Variants in ATP2B2 observed in about 807,000 individuals in gnomAD.
The protein encoded by ATP2B2 is ATPase plasma membrane Ca2+ transporting 2.
In ATP2B2, 15 loss-of-function variants were observed where a neutral mutation model predicts 120.0. That is an observed-to-expected ratio of 0.12 (90% CI 0.08 to 0.19). The LOEUF is 0.19. ATP2B2 is among the 10% of genes least tolerant of loss of function. The pLI, the probability that ATP2B2 is intolerant of heterozygous loss-of-function variation, is 1.00. For synonymous variants in ATP2B2, 694 were observed against 700.3 expected, an observed-to-expected ratio of 0.99 and a Z score of 0.14; for missense variants, 1,045 against 1,719.8, an observed-to-expected ratio of 0.61 and a Z score of 6.94.
intron 3 of ATP2B2, among the ~76,000 whole-genome samples, chr3:10,406,448 A>T (rs984610859): frequency 1.3e-5 from 2 of 152,216 alleles, no homozygotes; most frequent in African/African-American, 4.8e-5. Flanking sequence ...TGGTCTCATA[A>T]TATTATAATA....
chr3:10,482,078 C>T (rs962212846), intron 1 of ATP2B2, among the ~76,000 whole-genome samples: 1 of 152,184 alleles, frequency 6.6e-6, no homozygotes. Context: ...TCCCCCTAGA[C>T]TGCTTTCATT....
At chr3:10,407,433 G>A (rs533218773) in intron 3 of ATP2B2, among the ~76,000 whole-genome samples, 4 of 152,132 alleles carry the variant, frequency 2.6e-5, no homozygotes, top group South Asian at 2.1e-4. Flanking sequence ...TCTGGCCTGC[G>A]CTCCCTCCTT....
intron 2 of ATP2B2, among the ~76,000 whole-genome samples, chr3:10,432,057 T>C (rs1385545276): frequency 6.6e-6 from 1 of 151,988 alleles, no homozygotes; most frequent in Admixed American, 6.6e-5. Context: ...ATACATGAAA[T>C]AGGGAGAGGA....
chr3:10,681,337 G>A (rs2071378442), intron 1 of ATP2B2, among the ~76,000 whole-genome samples: 1 of 152,190 alleles, frequency 6.6e-6, no homozygotes. Flanking sequence ...GTCACCAGAG[G>A]CAAAATGATT....
intron 2 of ATP2B2, among the ~76,000 whole-genome samples, chr3:10,442,612 G>A (rs982161425): frequency 1.3e-5 from 2 of 152,186 alleles, no homozygotes; most frequent in African/African-American, 2.4e-5. Context: ...TTACCCCATG[G>A]TAGTGGTGAT....
At chr3:10,668,107 A>T (rs961523354) in intron 1 of ATP2B2, among the ~76,000 whole-genome samples, 3 of 152,198 alleles carry the variant, frequency 2.0e-5, no homozygotes, top group African/African-American at 7.2e-5. Context: ...GGCCTGTGGC[A>T]TTGGGGTGTG....
intron 14 of ATP2B2, among the ~76,000 whole-genome samples, chr3:10,354,071 C>G (rs2060648343): frequency 1.3e-5 from 2 of 152,352 alleles, no homozygotes; most frequent in African/African-American, 4.8e-5. Context: ...GTCCCCTCTG[C>G]CTGGAATGCC....
chr3:10,664,628 C>T (rs980824076), intron 1 of ATP2B2, among the ~76,000 whole-genome samples: 3 of 152,138 alleles, frequency 2.0e-5, no homozygotes, highest in Non-Finnish European at 4.4e-5. Context: ...TTCACCAAAA[C>T]ACTTTTGTGA....
chr3:10,441,273 G>T (rs2125141866), intron 2 of ATP2B2, among the ~76,000 whole-genome samples: 2 of 151,116 alleles, frequency 1.3e-5, no homozygotes, highest in African/African-American at 4.9e-5. Flanking sequence ...TGTTTTTTTT[G>T]AGACAGAGTC....
At chr3:10,596,999 G>A (rs951916942) in intron 2 of ATP2B2, among the ~76,000 whole-genome samples, 5 of 143,490 alleles carry the variant, frequency 3.5e-5, no homozygotes, top group East Asian at 2.1e-4. Flanking sequence ...AGGTGCACAC[G>A]CACACAGGCA....
chr3:10,477,503 T>G (rs2065250539), intron 1 of ATP2B2, among the ~76,000 whole-genome samples: 1 of 152,196 alleles, frequency 6.6e-6, no homozygotes, highest in Non-Finnish European at 1.5e-5. Flanking sequence ...CTCAGAACGT[T>G]TTCCTCTTCC....
At chr3:10,599,224 C>G (rs1280837165) in intron 2 of ATP2B2, among the ~76,000 whole-genome samples, 1 of 152,252 alleles carries the variant, frequency 6.6e-6, no homozygotes, top group Non-Finnish European at 1.5e-5. Flanking sequence ...AGAACAAAAT[C>G]TGGAGGCTGG....
intron 1 of ATP2B2, among the ~76,000 whole-genome samples, chr3:10,687,317 A>G (rs563538378): frequency 6.6e-6 from 1 of 152,260 alleles, no homozygotes; most frequent in South Asian, 2.1e-4. Context: ...TGCTCAGTAC[A>G]GTGCCTGGTG....
At chr3:10,653,803 T>A (rs1559505899) in intron 1 of ATP2B2, among the ~76,000 whole-genome samples, 1 of 152,152 alleles carries the variant, frequency 6.6e-6, no homozygotes, top group Non-Finnish European at 1.5e-5. Flanking sequence ...TACGATATCC[T>A]CCACCCTCCA....
intron 2 of ATP2B2, among the ~76,000 whole-genome samples, chr3:10,552,977 T>C (rs1228682505): frequency 1.3e-5 from 2 of 152,216 alleles, no homozygotes; most frequent in South Asian, 2.1e-4. Context: ...GAGGCAGAGA[T>C]TGAATTGCTC....
chr3:10,658,076 T>C (rs6442189), intron 1 of ATP2B2, among the ~76,000 whole-genome samples: 33,349 of 152,130 alleles, frequency 0.22, 6,098 homozygotes, highest in African/African-American at 0.49. Context: ...GAAAGGACAT[T>C]CACACCAAAA....
intron 5 of ATP2B2, among the ~76,000 whole-genome samples, chr3:10,393,329 G>A (rs1312703856): frequency 2.0e-5 from 3 of 152,186 alleles, no homozygotes; most frequent in African/African-American, 7.2e-5. Flanking sequence ...TCTTTGCTTG[G>A]TGTTCAATAG....
At chr3:10,513,558 GCA>G (rs1162711848) in intron 3 of ATP2B2, among the ~76,000 whole-genome samples, 8 of 152,186 alleles carry the variant, frequency 5.3e-5, no homozygotes, top group African/African-American at 9.7e-5. Context: ...CGGCAGTGCA[GCA>G]CAGTCATGTC....
intron 1 of ATP2B2, among the ~76,000 whole-genome samples, chr3:10,470,233 C>T (rs553265637): frequency 3.9e-5 from 6 of 152,230 alleles, no homozygotes; most frequent in Non-Finnish European, 7.4e-5. Flanking sequence ...CTTCAGGACC[C>T]GGGGCTATGC....
Sources: gnomAD v4.1 joint callset for allele counts (sites outside exome capture counted in the v4.1 genomes callset) on GRCh38, gnomAD v4.1.1 for gene constraint, MANE v1.5 for transcripts, NCBI Gene and HGNC (gene_info 2026-07-23, HGNC 2026-07-21) for gene names.